The following NXPH2 variants were observed in gnomAD, a reference collection of about 807,000 sequenced individuals.
NXPH2 encodes neurexophilin 2, also known as neurexophilin-2.
A neutral mutation model predicts 19.8 loss-of-function variants in NXPH2; 5 were observed. The observed-to-expected ratio is 0.25, with a 90% CI of 0.13 to 0.53. NXPH2 has a LOEUF of 0.53. Ranked by LOEUF, NXPH2 falls within the 20% of genes least tolerant of loss-of-function variation. The pLI is 0.96. For missense variants in NXPH2, 289 were observed against 322.8 expected (o/e 0.90, Z 0.80); for synonymous variants, 154 against 127.4 (o/e 1.21, Z -1.41).
chr2:138,770,172 C>T (rs1558933457), intron 1 of NXPH2, among the ~76,000 whole-genome samples: 1 of 151,934 alleles, frequency 6.6e-6, no homozygotes, highest in Non-Finnish European at 1.5e-5. Flanking sequence ...AACAAACTGC[C>T]AAAGAAAAAG....
chr2:138,751,468 T>C (rs1170783481), intron 1 of NXPH2, among the ~76,000 whole-genome samples: 8 of 152,188 alleles, frequency 5.3e-5, no homozygotes, highest in East Asian at 1.9e-4. Flanking sequence ...AATCTGTTTG[T>C]CAGATTTTAT....
At chr2:138,714,068 G>A (rs1435389609) in intron 1 of NXPH2, among the ~76,000 whole-genome samples, 2 of 151,796 alleles carry the variant, frequency 1.3e-5, no homozygotes, top group African/African-American at 2.4e-5. Flanking sequence ...TAAAAGTGTA[G>A]CAGCTTAAAT....
At chr2:138,682,937 GT>G (rs1210858121) in intron 1 of NXPH2, among the ~76,000 whole-genome samples, 1 of 152,114 alleles carries the variant, frequency 6.6e-6, no homozygotes, top group Non-Finnish European at 1.5e-5. Context: ...ACATACCATA[GT>G]TCTCTGTAAA....
chr2:138,694,730 C>A (rs1680804058), intron 1 of NXPH2, among the ~76,000 whole-genome samples: 1 of 152,168 alleles, frequency 6.6e-6, no homozygotes, highest in African/African-American at 2.4e-5. Context: ...GATTTTCTGA[C>A]TTTATGATGG....
At chr2:138,779,846 C>G (rs1682323044) in intron 1 of NXPH2, among the ~76,000 whole-genome samples, 2 of 152,116 alleles carry the variant, frequency 1.3e-5, no homozygotes, top group African/African-American at 4.8e-5. Flanking sequence ...GGTCTTTCTG[C>G]CCCTTCTCAT....
chr2:138,738,417 T>A (rs1433590963), intron 1 of NXPH2, among the ~76,000 whole-genome samples: 9 of 152,056 alleles, frequency 5.9e-5, no homozygotes, highest in African/African-American at 2.2e-4. Context: ...TTGGAAAAAA[T>A]TTTCATCTCC....
chr2:138,766,160 G>T (rs1682088104), intron 1 of NXPH2, among the ~76,000 whole-genome samples: 1 of 152,148 alleles, frequency 6.6e-6, no homozygotes, highest in African/African-American at 2.4e-5. Flanking sequence ...TGACAGAGTT[G>T]GCACTCAAAG....
intron 1 of NXPH2, among the ~76,000 whole-genome samples, chr2:138,674,860 T>C: frequency 6.6e-6 from 1 of 152,212 alleles, no homozygotes; most frequent in East Asian, 1.9e-4. Context: ...TTTCCAGTAT[T>C]TAATGAGATT....
chr2:138,701,030 A>T (rs1403774602), intron 1 of NXPH2, among the ~76,000 whole-genome samples: 2 of 152,040 alleles, frequency 1.3e-5, no homozygotes, highest in Non-Finnish European at 2.9e-5. Context: ...TGGTAAATAG[A>T]CTCAATTGTA....
At chr2:138,779,561 C>T (rs950889494) in intron 1 of NXPH2, among the ~76,000 whole-genome samples, 2 of 152,006 alleles carry the variant, frequency 1.3e-5, no homozygotes, top group Non-Finnish European at 2.9e-5. Flanking sequence ...GGCTCCTGCG[C>T]GGAGCTGGGC....
chr2:138,778,484 T>C (rs1558935564), intron 1 of NXPH2, among the ~76,000 whole-genome samples: 2 of 152,276 alleles, frequency 1.3e-5, no homozygotes, highest in South Asian at 2.1e-4. Flanking sequence ...ATTTCCAATA[T>C]AGTAGCTGGG....
At position 138,737,341 on chromosome 2, in the gene NXPH2, C is replaced by T. The variant is rs574218908; in HGVS notation, c.51+42850G>A. ...AAGTCACATCTTACATGGATGGCAG[C>T]GGGCAAAAAGAGAGTGAGAGCCAAG... On this transcript the variant is annotated intron_variant, in intron 1 of 1. Coordinates refer to ENST00000272641, the MANE Select transcript of NXPH2 (RefSeq NM_007226.3). Among the ~76,000 whole-genome samples, 8 of 152,186 alleles carry T rather than the reference C, an allele frequency of 5.3e-5. No individual in the cohort carries two copies. The East Asian group carries it at 5.8e-4, about 11-fold the overall frequency.
intron 1 of NXPH2, among the ~76,000 whole-genome samples, chr2:138,684,320 G>T (rs1213899040): frequency 6.6e-6 from 1 of 151,482 alleles, no homozygotes; most frequent in African/African-American, 2.4e-5. Flanking sequence ...AAAACAAAAA[G>T]TCAAATAACA....
At chr2:138,682,485 A>G (rs1051573712) in intron 1 of NXPH2, among the ~76,000 whole-genome samples, 2 of 152,232 alleles carry the variant, frequency 1.3e-5, no homozygotes, top group South Asian at 4.1e-4. Context: ...ACATATATCA[A>G]TGTACTAATT....
intron 1 of NXPH2, among the ~76,000 whole-genome samples, chr2:138,751,158 A>G (rs72873912): frequency 2.5e-3 from 374 of 152,206 alleles, no homozygotes; most frequent in Non-Finnish European, 4.5e-3. Context: ...AGAGCAAGTA[A>G]CTAGTTGTCA....
intron 1 of NXPH2, among the ~76,000 whole-genome samples, chr2:138,705,257 C>G (rs557556823): frequency 3.0e-4 from 45 of 152,232 alleles, no homozygotes; most frequent in African/African-American, 1.1e-3. Flanking sequence ...AGCCACCATG[C>G]CTGGCCAATA....
chr2:138,731,063 G>C (rs1182564359), intron 1 of NXPH2, among the ~76,000 whole-genome samples: 1 of 152,056 alleles, frequency 6.6e-6, no homozygotes, highest in East Asian at 1.9e-4. Flanking sequence ...ACAGGTCCCT[G>C]TTCCTCTCCT....
intron 1 of NXPH2, among the ~76,000 whole-genome samples, chr2:138,758,246 C>G (rs1681946203): frequency 6.6e-6 from 1 of 152,106 alleles, no homozygotes. Flanking sequence ...TAGGGTCTAT[C>G]TATAATACTA....
intron 1 of NXPH2, among the ~76,000 whole-genome samples, chr2:138,739,581 G>A (rs562381285): frequency 1.3e-5 from 2 of 152,322 alleles, no homozygotes; most frequent in African/African-American, 4.8e-5. Context: ...GGGGATCACG[G>A]GAGGCAAGGC....
Sources: gnomAD v4.1 joint callset for allele counts (sites outside exome capture counted in the v4.1 genomes callset) on GRCh38, gnomAD v4.1.1 for gene constraint, MANE v1.5 for transcripts, NCBI Gene and HGNC (gene_info 2026-07-23, HGNC 2026-07-21) for gene names.